The following TAFA1 variants were observed in gnomAD, a reference collection of about 807,000 sequenced individuals.
TAFA1 encodes TAFA chemokine like family member 1.
TAFA1 carries 4 observed loss-of-function variants against 18.5 expected under a neutral mutation model. The ratio of observed to expected loss-of-function variants is 0.22; its 90% CI spans 0.11 to 0.49. The LOEUF (loss-of-function observed/expected upper bound fraction) is 0.49. Ranked by LOEUF, TAFA1 falls within the 20% of genes least tolerant of loss-of-function variation. The probability of loss-of-function intolerance (pLI) is 0.98; values close to 1 mark genes in which losing one functional copy is unlikely to be tolerated. For missense variants in TAFA1, 147 were observed against 169.0 expected (o/e 0.87, Z 0.72); for synonymous variants, 56 against 55.2 (o/e 1.01, Z -0.06).
chr3:68,520,074 G>A (rs978147903), intron 3 of TAFA1, among the ~76,000 whole-genome samples: 2 of 152,188 alleles, frequency 1.3e-5, no homozygotes, highest in African/African-American at 2.4e-5. Context: ...TACTCAGAAT[G>A]TTGCACTGGT....
At position 68,467,615 on chromosome 3, in the gene TAFA1, G is replaced by C. The variant is rs887027515; in HGVS notation, c.259+50195G>C. On this transcript the variant is annotated intron_variant, in intron 3 of 4. Coordinates refer to ENST00000478136, the MANE Select transcript of TAFA1 (RefSeq NM_213609.4). ...GCCAAGGAGCAGTGTGAGGTCAGCA[G>C]ATAGAAAATTACCAAGAGGAAACAT... Among the ~76,000 whole-genome samples the C allele has an allele frequency of 3.2e-4, 48 of 152,174 alleles. 1 individual carries two copies. The highest frequency in any genetic ancestry group is 7.9e-4 in the Admixed American group (12 of 15,276).
At chr3:68,419,314 G>A (rs1005666062) in intron 3 of TAFA1, among the ~76,000 whole-genome samples, 1 of 152,122 alleles carries the variant, frequency 6.6e-6, no homozygotes, top group Admixed American at 6.5e-5. Context: ...TTACCATAAG[G>A]AGATACATTT....
At chr3:68,128,314 G>A (rs985384618) in intron 2 of TAFA1, among the ~76,000 whole-genome samples, 7 of 152,104 alleles carry the variant, frequency 4.6e-5, no homozygotes, top group South Asian at 2.1e-4. Context: ...CATACATCCC[G>A]CTGCTAAGGG....
intron 2 of TAFA1, among the ~76,000 whole-genome samples, chr3:68,065,740 G>GTGTATA (rs1442387918): frequency 7.5e-6 from 1 of 133,420 alleles, no homozygotes; most frequent in Admixed American, 7.3e-5. Flanking sequence ...GTGTGTGTGT[G>GTGTATA]TATATATATA....
intron 2 of TAFA1, among the ~76,000 whole-genome samples, chr3:68,330,051 T>C (rs2068839478): frequency 6.6e-6 from 1 of 152,138 alleles, no homozygotes; most frequent in Non-Finnish European, 1.5e-5. Context: ...GTCCAGGGGC[T>C]CAGAGAATGT....
At chr3:68,446,421 G>A (rs1179342077) in intron 3 of TAFA1, among the ~76,000 whole-genome samples, 2 of 152,116 alleles carry the variant, frequency 1.3e-5, no homozygotes, top group African/African-American at 4.8e-5. Flanking sequence ...GACAGCAAGA[G>A]TCCTGGCCCC....
chr3:68,016,762 TG>T (rs1704578565), intron 2 of TAFA1, among the ~76,000 whole-genome samples: 1 of 152,214 alleles, frequency 6.6e-6, no homozygotes, highest in African/African-American at 2.4e-5. Context: ...GTGACATTGT[TG>T]GTGACATTCA....
intron 2 of TAFA1, among the ~76,000 whole-genome samples, chr3:68,332,736 T>C (rs1348976788): frequency 6.6e-6 from 1 of 152,174 alleles, no homozygotes; most frequent in Non-Finnish European, 1.5e-5. Flanking sequence ...CCTCTTAGAA[T>C]GGCTGTTATC....
At chr3:68,497,034 A>T (rs1423583314) in intron 3 of TAFA1, among the ~76,000 whole-genome samples, 1 of 152,124 alleles carries the variant, frequency 6.6e-6, no homozygotes, top group Non-Finnish European at 1.5e-5. Context: ...GAAAAAAGAA[A>T]ATGGCCACTT....
At chr3:68,297,475 G>C (rs545170420) in intron 2 of TAFA1, among the ~76,000 whole-genome samples, 1 of 152,092 alleles carries the variant, frequency 6.6e-6, no homozygotes, top group Admixed American at 6.5e-5. Flanking sequence ...CCAATTCCTA[G>C]AGATTCTGAC....
At chr3:68,256,805 G>A (rs139258284) in intron 2 of TAFA1, among the ~76,000 whole-genome samples, 1 of 152,138 alleles carries the variant, frequency 6.6e-6, no homozygotes, top group Admixed American at 6.5e-5. Flanking sequence ...TCAAGTGATT[G>A]CATCTGCTTT....
At chr3:68,390,831 C>A (rs973371717) in intron 2 of TAFA1, among the ~76,000 whole-genome samples, 4 of 152,148 alleles carry the variant, frequency 2.6e-5, no homozygotes, top group Non-Finnish European at 5.9e-5. Context: ...AAAAGGATGG[C>A]CATGCAGAAA....
At chr3:68,265,317 A>G (rs561524111) in intron 2 of TAFA1, among the ~76,000 whole-genome samples, 1 of 152,134 alleles carries the variant, frequency 6.6e-6, no homozygotes, top group Non-Finnish European at 1.5e-5. Context: ...GTGTACTCCA[A>G]AGGGCCCTGG....
chr3:68,535,716 C>T (rs1040928362), intron 3 of TAFA1, among the ~76,000 whole-genome samples: 1 of 152,090 alleles, frequency 6.6e-6, no homozygotes, highest in African/African-American at 2.4e-5. Context: ...CAAAATGTAA[C>T]TTGAAGAGTT....
intron 2 of TAFA1, among the ~76,000 whole-genome samples, chr3:68,282,202 C>T (rs1411811095): frequency 2.6e-5 from 4 of 152,148 alleles, no homozygotes; most frequent in Non-Finnish European, 4.4e-5. Context: ...TCCCATGACA[C>T]ATGGGGATTA....
intron 3 of TAFA1, among the ~76,000 whole-genome samples, chr3:68,445,665 G>A (rs192075562): frequency 1.0e-3 from 159 of 152,182 alleles, no homozygotes; most frequent in Non-Finnish European, 1.9e-3. Context: ...TCCAGTATTA[G>A]CATGCATCAG....
At chr3:68,069,508 G>C (rs1365243439) in intron 2 of TAFA1, among the ~76,000 whole-genome samples, 1 of 151,992 alleles carries the variant, frequency 6.6e-6, no homozygotes, top group African/African-American at 2.4e-5. Context: ...ATTTGGGTGG[G>C]GACACAGCCA....
At chr3:68,085,674 A>G (rs960400386) in intron 2 of TAFA1, among the ~76,000 whole-genome samples, 1 of 152,310 alleles carries the variant, frequency 6.6e-6, no homozygotes, top group Middle Eastern at 3.4e-3. Context: ...ATCCACTCCA[A>G]AGAGTATATC....
chr3:68,266,055 G>T (rs2067538858), intron 2 of TAFA1, among the ~76,000 whole-genome samples: 1 of 152,122 alleles, frequency 6.6e-6, no homozygotes, highest in South Asian at 2.1e-4. Context: ...CCTGTGCCAG[G>T]CTGCTGCATG....
Sources: gnomAD v4.1 joint callset for allele counts (sites outside exome capture counted in the v4.1 genomes callset) on GRCh38, gnomAD v4.1.1 for gene constraint, MANE v1.5 for transcripts, NCBI Gene and HGNC (gene_info 2026-07-23, HGNC 2026-07-21) for gene names.